The following SLC9A9 variants were observed in gnomAD, a reference collection of about 807,000 sequenced individuals.
SLC9A9 encodes solute carrier family 9 member A9, also known as sodium/hydrogen exchanger 9.
A neutral mutation model predicts 77.8 loss-of-function variants in SLC9A9; 62 were observed. The ratio of observed to expected loss-of-function variants is 0.80; its 90% CI spans 0.65 to 0.98. The LOEUF (loss-of-function observed/expected upper bound fraction) is 0.98. Among genes scored for constraint, SLC9A9 ranks in the 50% least tolerant of loss-of-function variants. The pLI, the probability that SLC9A9 is intolerant of heterozygous loss-of-function variation, is 0.00. For synonymous variants in SLC9A9, 320 were observed against 283.5 expected (o/e 1.13, Z -1.29); for missense variants, 775 against 774.9 (o/e 1.00, Z 0.00).
chr3:143,383,042 C>A (rs2033341186), intron 12 of SLC9A9, among the ~76,000 whole-genome samples: 1 of 152,228 alleles, frequency 6.6e-6, no homozygotes, highest in African/African-American at 2.4e-5. Flanking sequence ...ATGCAATTCC[C>A]ATAAGCAATG....
chr3:143,436,424 G>C (rs773851477), intron 12 of SLC9A9, among the ~76,000 whole-genome samples: 2 of 152,316 alleles, frequency 1.3e-5, no homozygotes, highest in East Asian at 1.9e-4. Flanking sequence ...CCTTCAGCTG[G>C]AAAGTGCTAT....
intron 4 of SLC9A9, among the ~76,000 whole-genome samples, chr3:143,700,187 C>T (rs1308507774): frequency 6.6e-6 from 1 of 152,084 alleles, no homozygotes; most frequent in Non-Finnish European, 1.5e-5. Flanking sequence ...AGCAACAATA[C>T]CCATGTAGCA....
intron 8 of SLC9A9, among the ~76,000 whole-genome samples, chr3:143,556,091 ACAAATT>A (rs2036975012): frequency 6.6e-6 from 1 of 152,268 alleles, no homozygotes; most frequent in African/African-American, 2.4e-5. Flanking sequence ...CAACACAGAA[ACAAATT>A]CAAAGTTGAC....
chr3:143,511,838 G>A (rs533493499), intron 9 of SLC9A9, among the ~76,000 whole-genome samples: 10 of 152,254 alleles, frequency 6.6e-5, no homozygotes, highest in African/African-American at 2.4e-4. Context: ...ACATAATTGT[G>A]TCTTTCCACC....
chr3:143,665,193 G>A (rs535261827), intron 5 of SLC9A9, among the ~76,000 whole-genome samples: 178 of 152,262 alleles, frequency 1.2e-3, no homozygotes, highest in African/African-American at 3.9e-3. Context: ...ACTCAAAACC[G>A]CTCAACTACA....
intron 4 of SLC9A9, among the ~76,000 whole-genome samples, chr3:143,752,487 C>T (rs1334628036): frequency 6.6e-6 from 1 of 152,076 alleles, no homozygotes; most frequent in East Asian, 1.9e-4. Context: ...CATAGGTCTG[C>T]CCATCTCAAG....
intron 4 of SLC9A9, among the ~76,000 whole-genome samples, chr3:143,746,801 C>T (rs1353783317): frequency 6.6e-6 from 1 of 152,086 alleles, no homozygotes; most frequent in Non-Finnish European, 1.5e-5. Flanking sequence ...GTCTTGCTTT[C>T]TCAGTCATTT....
chr3:143,805,258 CCTT>C (rs1460170981), intron 2 of SLC9A9, among the ~76,000 whole-genome samples: 1 of 152,112 alleles, frequency 6.6e-6, no homozygotes, highest in African/African-American at 2.4e-5. Flanking sequence ...GACAAATCCT[CCTT>C]CTAACAACCC....
intron 1 of SLC9A9, among the ~76,000 whole-genome samples, chr3:143,847,104 G>T (rs2009846954): frequency 6.6e-6 from 1 of 152,076 alleles, no homozygotes; most frequent in African/African-American, 2.4e-5. Context: ...TTAATATCAG[G>T]ACACCACAGG....
At chr3:143,774,632 T>C (rs2007631325) in intron 4 of SLC9A9, among the ~76,000 whole-genome samples, 1 of 152,200 alleles carries the variant, frequency 6.6e-6, no homozygotes, top group African/African-American at 2.4e-5. Flanking sequence ...TACGTTATTA[T>C]GTGTATCATA....
intron 13 of SLC9A9, among the ~76,000 whole-genome samples, chr3:143,365,580 A>T (rs2032877184): frequency 6.6e-6 from 1 of 152,162 alleles, no homozygotes; most frequent in South Asian, 2.1e-4. Context: ...CTTTTCCTGG[A>T]CATTAGAGTT....
At position 143,392,507 on chromosome 3, in the gene SLC9A9, T is replaced by C. The variant is rs549394249; in HGVS notation, c.1470-10393A>G. On this transcript the variant is annotated intron_variant, in intron 12 of 15. Coordinates refer to ENST00000316549, the MANE Select transcript of SLC9A9 (RefSeq NM_173653.4). Reference sequence around the variant, plus strand: ...GCCACTGCAAAAACATGCCAAATTGTAAAGACCATCGAGGCTAGGAAGAAA... The same window carrying C: ...GCCACTGCAAAAACATGCCAAATTGCAAAGACCATCGAGGCTAGGAAGAAA... Among the ~76,000 whole-genome samples, 647 of 152,118 alleles carry C rather than the reference T, an allele frequency of 4.3e-3. 4 individuals carry two copies. The highest frequency in any genetic ancestry group is 0.015 in the African/African-American group (616 of 41,462).
At chr3:143,602,227 A>T (rs1437934568) in intron 6 of SLC9A9, among the ~76,000 whole-genome samples, 2 of 152,234 alleles carry the variant, frequency 1.3e-5, no homozygotes, top group African/African-American at 4.8e-5. Context: ...TGGCATGTCC[A>T]GGGCTTGTTC....
At chr3:143,427,118 C>A (rs2034420983) in intron 12 of SLC9A9, among the ~76,000 whole-genome samples, 1 of 152,190 alleles carries the variant, frequency 6.6e-6, no homozygotes, top group African/African-American at 2.4e-5. Context: ...ATGCTATCAG[C>A]ACTGATGGGA....
chr3:143,667,299 TC>T lies in SLC9A9; in HGVS notation c.650-14940del, dbSNP rs1002268441. 3.7e-3 allele frequency among the ~76,000 whole-genome samples: 565 copies of T among 152,250 alleles called. 4 individuals carry two copies. The highest frequency in any genetic ancestry group is 0.013 in the African/African-American group (538 of 41,544). On this transcript the variant is annotated intron_variant, in intron 5 of 15. Transcript: ENST00000316549. Reference sequence around the variant, plus strand: ...CCATATGTAGAAAGCTGAAACTGGATCCCTTCCTTACACCTTATACAAAAAT... The same window carrying T: ...CCATATGTAGAAAGCTGAAACTGGATCCTTCCTTACACCTTATACAAAAAT...
intron 14 of SLC9A9, among the ~76,000 whole-genome samples, chr3:143,286,514 G>T (rs909404847): frequency 2.2e-4 from 33 of 152,222 alleles, no homozygotes; most frequent in African/African-American, 8.0e-4. Flanking sequence ...CTCAGTACAG[G>T]CAGAGGCCAG....
At chr3:143,372,055 G>A (rs1345394261) in intron 13 of SLC9A9, 3 of 357,478 alleles carry the variant, frequency 8.4e-6, no homozygotes, top group Non-Finnish European at 1.1e-5. Flanking sequence ...AAACACTGCT[G>A]AAAGAAATCA....
Position 143,578,609 on chromosome 3 carries a change from A to G in SLC9A9, c.870T>C (p.Ser290=). ...TCAGTGCTGTGATGATGGCATACGC[A>G]GACCCCATTGCAAATGAGCCAGCGA... The part of the protein sequence containing the change: ...GIFAGSFAMG[S]AYAIITALLT... The change falls in exon 7 of 16, where the codon TCT becomes TCC. Residue 290 remains serine, a synonymous_variant. Coordinates refer to ENST00000316549, the MANE Select transcript of SLC9A9 (RefSeq NM_173653.4). 6.2e-7 allele frequency: 1 copy of G among 1,614,058 alleles called. No homozygotes were observed. The highest frequency in any genetic ancestry group is 1.1e-5 in the South Asian group (1 of 91,084).
intron 7 of SLC9A9, among the ~76,000 whole-genome samples, chr3:143,577,333 A>C (rs1356103403): frequency 6.6e-6 from 1 of 152,136 alleles, no homozygotes; most frequent in African/African-American, 2.4e-5. Flanking sequence ...TCCCACTGCC[A>C]TACCTTAGTG....
Sources: allele counts gnomAD v4.1 joint callset (sites outside exome capture counted in the v4.1 genomes callset), GRCh38; gene constraint gnomAD v4.1.1; transcripts MANE v1.5; gene names NCBI Gene and HGNC (gene_info 2026-07-23, HGNC 2026-07-21).